Variants in SPIDR observed in about 807,000 individuals in gnomAD.
SPIDR encodes the protein DNA repair-scaffolding protein.
SPIDR carries 93 observed loss-of-function variants against 104.6 expected under a neutral mutation model. The observed-to-expected ratio is 0.89, with a 90% CI of 0.75 to 1.06. The LOEUF (loss-of-function observed/expected upper bound fraction) is 1.06, where lower values mean the gene tolerates loss of function less well. Among genes scored for constraint, SPIDR ranks in the 50% least tolerant of loss-of-function variants. The pLI is 0.00. For synonymous variants in SPIDR, 431 were observed against 416.9 expected (o/e 1.03, Z -0.41); for missense variants, 1,154 against 1,111.2 (o/e 1.04, Z -0.55).
rs1263234318 is a variant in SPIDR, at chr8:47,534,734, ATGTT to A, written c.1098-61075_1098-61072del. 2.0e-5 allele frequency among the ~76,000 whole-genome samples: 3 copies of A among 152,186 alleles called. No individual in the cohort carries two copies. In the East Asian group the frequency reaches 5.8e-4, roughly 29 times the overall value. ...TACATACAAAAAACCCCCATGACCC[ATGTT>A]TACCTATGTAACAAACCTTCACATG... On this transcript the variant is annotated intron_variant, in intron 8 of 19. Transcript: ENST00000297423.
chr8:47,498,527 C>T (rs1460861940), intron 8 of SPIDR, among the ~76,000 whole-genome samples: 4 of 152,090 alleles, frequency 2.6e-5, no homozygotes, highest in African/African-American at 9.7e-5. Flanking sequence ...TGTTTATGAC[C>T]TTCCCAGATA....
At chr8:47,464,818 G>T (rs2074513847) in intron 8 of SPIDR, among the ~76,000 whole-genome samples, 1 of 152,074 alleles carries the variant, frequency 6.6e-6, no homozygotes, top group South Asian at 2.1e-4. Flanking sequence ...ACCCAGGCAG[G>T]AGTGTCTTGG....
chr8:47,723,880 T>C (rs1563669725), intron 16 of SPIDR, among the ~76,000 whole-genome samples: 1 of 152,160 alleles, frequency 6.6e-6, no homozygotes, highest in East Asian at 1.9e-4. Context: ...CTTTTTTTTT[T>C]CCTTCCCATC....
At chr8:47,653,349 G>A (rs1489886465) in intron 10 of SPIDR, among the ~76,000 whole-genome samples, 5 of 152,132 alleles carry the variant, frequency 3.3e-5, no homozygotes, top group Non-Finnish European at 7.4e-5. Flanking sequence ...GAATAGGCAT[G>A]GGAAAGTAGG....
At chr8:47,487,342 C>A (rs1009072590) in intron 8 of SPIDR, among the ~76,000 whole-genome samples, 2 of 152,122 alleles carry the variant, frequency 1.3e-5, no homozygotes, top group African/African-American at 4.8e-5. Context: ...CAGGAGCACC[C>A]AGACTCATAA....
intron 8 of SPIDR, among the ~76,000 whole-genome samples, chr8:47,498,120 CAA>C (rs2079739833): frequency 6.6e-6 from 1 of 152,140 alleles, no homozygotes. Context: ...AATGTTGAAA[CAA>C]AGAAAAAGAC....
At chr8:47,275,830 G>A (rs2036314353) in intron 1 of SPIDR, among the ~76,000 whole-genome samples, 1 of 151,992 alleles carries the variant, frequency 6.6e-6, no homozygotes, top group Non-Finnish European at 1.5e-5. Context: ...AATTTTCTGT[G>A]CGTGTGTTTT....
intron 8 of SPIDR, among the ~76,000 whole-genome samples, chr8:47,510,824 A>AT (rs1353616135): frequency 1.3e-5 from 2 of 152,106 alleles, no homozygotes; most frequent in Non-Finnish European, 2.9e-5. Flanking sequence ...TATTTTTTTC[A>AT]TTAAAGTCCA....
At chr8:47,329,459 T>G (rs1554603086) in intron 5 of SPIDR, among the ~76,000 whole-genome samples, 1 of 152,132 alleles carries the variant, frequency 6.6e-6, no homozygotes, top group Non-Finnish European at 1.5e-5. Flanking sequence ...CTGTCCACCT[T>G]GGCCTCGCAA....
intron 17 of SPIDR, 92 bp from the exon 18 acceptor site, chr8:47,728,841 A>G (rs943984695): frequency 7.0e-7 from 1 of 1,430,144 alleles, no homozygotes; most frequent in Non-Finnish European, 9.5e-7. Flanking sequence ...CTAGCTCAGC[A>G]GACACTCATG....
chr8:47,320,214 A>G (rs2046281101), intron 5 of SPIDR, among the ~76,000 whole-genome samples: 1 of 152,130 alleles, frequency 6.6e-6, no homozygotes, highest in Admixed American at 6.6e-5. Flanking sequence ...GATTACTAAA[A>G]GAGAAAAGAG....
At chr8:47,669,248 A>G (rs923449956) in intron 10 of SPIDR, among the ~76,000 whole-genome samples, 2 of 152,218 alleles carry the variant, frequency 1.3e-5, no homozygotes, top group African/African-American at 4.8e-5. Context: ...CAGACCTGTC[A>G]CACTAGCACT....
chr8:47,423,648 A>G (rs1449962700), intron 7 of SPIDR, among the ~76,000 whole-genome samples: 1 of 152,168 alleles, frequency 6.6e-6, no homozygotes, highest in Non-Finnish European at 1.5e-5. Context: ...AAAAGCACAG[A>G]TGTTGCACCC....
intron 1 of SPIDR, among the ~76,000 whole-genome samples, chr8:47,278,985 C>A (rs1248009588): frequency 6.6e-6 from 1 of 151,662 alleles, no homozygotes; most frequent in Non-Finnish European, 1.5e-5. Flanking sequence ...CTCCTGGGCT[C>A]AAGCGATCCT....
chr8:47,304,223 A>G (rs1337589223), intron 5 of SPIDR, among the ~76,000 whole-genome samples: 1 of 152,018 alleles, frequency 6.6e-6, no homozygotes, highest in Non-Finnish European at 1.5e-5. Flanking sequence ...CCCAAATCTC[A>G]TGTTGAATTG....
chr8:47,634,023 A>T (rs1421246189), intron 10 of SPIDR, among the ~76,000 whole-genome samples: 1 of 151,732 alleles, frequency 6.6e-6, no homozygotes, highest in African/African-American at 2.4e-5. Context: ...TGAGCCTAGG[A>T]GATTGAGGCT....
chr8:47,460,611 C>A (rs2073781103), intron 8 of SPIDR, among the ~76,000 whole-genome samples: 1 of 152,070 alleles, frequency 6.6e-6, no homozygotes, highest in African/African-American at 2.4e-5. Flanking sequence ...TTCTGCTATT[C>A]TGTTTCTTTT....
chr8:47,711,425 G>C (rs1170282739), intron 14 of SPIDR, among the ~76,000 whole-genome samples: 2 of 151,946 alleles, frequency 1.3e-5, no homozygotes, highest in Non-Finnish European at 2.9e-5. Context: ...GCATGATCTT[G>C]GTGCACCACA....
chr8:47,386,490 G>A (rs2059923705), intron 5 of SPIDR, among the ~76,000 whole-genome samples: 1 of 152,112 alleles, frequency 6.6e-6, no homozygotes, highest in African/African-American at 2.4e-5. Context: ...AGGTGTGTAT[G>A]CCTGGAGAGG....
Sources: allele counts gnomAD v4.1 joint callset (sites outside exome capture counted in the v4.1 genomes callset), GRCh38; gene constraint gnomAD v4.1.1; transcripts MANE v1.5; gene names NCBI Gene and HGNC (gene_info 2026-07-23, HGNC 2026-07-21).